EPM2A: variants seen among roughly 807,000 people sequenced by gnomAD.
EPM2A encodes EPM2A glucan phosphatase, laforin.
EPM2A carries 21 observed loss-of-function variants against 26.5 expected under a neutral mutation model. The ratio of observed to expected loss-of-function variants is 0.79; its 90% confidence interval spans 0.56 to 1.14. The LOEUF is 1.14. Ranked by LOEUF, EPM2A falls within the 50% of genes most tolerant of loss-of-function variation. The pLI is 0.00. For synonymous variants in EPM2A, 217 were observed against 177.6 expected, an observed-to-expected ratio of 1.22 and a Z score of -1.76; for missense variants, 458 against 440.8, an observed-to-expected ratio of 1.04 and a Z score of -0.35.
intron 4 of EPM2A, among the ~76,000 whole-genome samples, chr6:145,425,109 T>A (rs890960976): frequency 1.3e-5 from 1 of 78,960 alleles, no homozygotes; most frequent in African/African-American, 3.4e-5. Flanking sequence ...GCTTTGGATG[T>A]AAGTCTCCCT....
intron 4 of EPM2A, among the ~76,000 whole-genome samples, chr6:145,486,623 C>T (rs980505396): frequency 7.9e-5 from 12 of 152,052 alleles, no homozygotes; most frequent in East Asian, 3.9e-4. Flanking sequence ...CCGCTAACCA[C>T]GGTTTTATTG....
chr6:145,671,128 G>A, intron 2 of EPM2A: 1 of 994,112 alleles, frequency 1.0e-6, no homozygotes, highest in South Asian at 4.4e-5. Context: ...ACCAAATTCT[G>A]TGGCTATTCT....
intron 4 of EPM2A, among the ~76,000 whole-genome samples, chr6:145,456,311 C>T (rs1198587851): frequency 6.6e-6 from 1 of 152,126 alleles, no homozygotes; most frequent in Non-Finnish European, 1.5e-5. Flanking sequence ...ACTTGGTACC[C>T]CAGTACTTAG....
At chr6:145,584,053 TG>T (rs748945663) in intron 2 of EPM2A, among the ~76,000 whole-genome samples, 1 of 152,108 alleles carries the variant, frequency 6.6e-6, no homozygotes, top group Non-Finnish European at 1.5e-5. Context: ...CTTTCAGCAG[TG>T]GTACCATGGG....
chr6:145,520,553 A>T (rs1484114926), intron 2 of EPM2A, among the ~76,000 whole-genome samples: 1 of 152,228 alleles, frequency 6.6e-6, no homozygotes, highest in Non-Finnish European at 1.5e-5. Flanking sequence ...GCCTCCTGAA[A>T]TAGAGACACG....
chr6:145,687,975 A>C lies in EPM2A; in HGVS notation c.302-1679T>G, dbSNP rs780346476. Reference sequence around the variant, plus strand: ...ACAGAAATATTACTAAGAAAAAAGAATTTCTGATGCACACAGAGATACATG... The same window carrying C: ...ACAGAAATATTACTAAGAAAAAAGACTTTCTGATGCACACAGAGATACATG... On this transcript the variant is annotated intron_variant, in intron 1 of 3. Coordinates refer to ENST00000367519, the MANE Select transcript of EPM2A (RefSeq NM_005670.4). 9.2e-5 allele frequency among the ~76,000 whole-genome samples: 14 copies of C among 152,330 alleles called. No homozygotes were observed. In the Middle Eastern group the frequency reaches 0.01, roughly 111 times the overall value.
chr6:145,511,918 A>G (rs1045685498), intron 2 of EPM2A, among the ~76,000 whole-genome samples: 1 of 152,250 alleles, frequency 6.6e-6, no homozygotes, highest in African/African-American at 2.4e-5. Context: ...GTAAAGTCTC[A>G]AGATACAAAA....
intron 2 of EPM2A, among the ~76,000 whole-genome samples, chr6:145,531,076 T>A (rs1039775580): frequency 2.6e-4 from 40 of 152,136 alleles, no homozygotes; most frequent in African/African-American, 9.7e-4. Flanking sequence ...GTCAGGATGG[T>A]GGGAAAAATT....
At chr6:145,482,049 T>C (rs1223213634) in intron 4 of EPM2A, among the ~76,000 whole-genome samples, 1 of 152,126 alleles carries the variant, frequency 6.6e-6, no homozygotes, top group Non-Finnish European at 1.5e-5. Flanking sequence ...CTGACAAACA[T>C]GTTTCTTATT....
chr6:145,525,738 T>C (rs910305464), intron 2 of EPM2A, among the ~76,000 whole-genome samples: 1 of 152,044 alleles, frequency 6.6e-6, no homozygotes, highest in East Asian at 1.9e-4. Context: ...ATATTTTCCG[T>C]GAGGAGAAAT....
chr6:145,414,086 C>A (rs1426952587), intron 4 of EPM2A, among the ~76,000 whole-genome samples: 1 of 152,126 alleles, frequency 6.6e-6, no homozygotes, highest in Non-Finnish European at 1.5e-5. Context: ...GATTCCAGTA[C>A]CCTGCACCTG....
At chr6:145,428,975 A>T (rs1438348034) in intron 4 of EPM2A, among the ~76,000 whole-genome samples, 1 of 152,214 alleles carries the variant, frequency 6.6e-6, no homozygotes, top group Non-Finnish European at 1.5e-5. Flanking sequence ...TGCCATTTGT[A>T]TTCAGTACAA....
chr6:145,407,842 T>C (rs12195564), intron 4 of EPM2A, among the ~76,000 whole-genome samples: 18,258 of 152,196 alleles, frequency 0.12, 1,165 homozygotes, highest in South Asian at 0.24. Flanking sequence ...ATACTGTCAG[T>C]TTGACTGAAG....
At chr6:145,574,124 A>T (rs1212904458) in intron 2 of EPM2A, among the ~76,000 whole-genome samples, 1 of 152,106 alleles carries the variant, frequency 6.6e-6, no homozygotes, top group East Asian at 1.9e-4. Context: ...AGGGGTTCTG[A>T]GTCTGTAAAC....
chr6:145,424,200 C>G (rs1458116061), intron 4 of EPM2A, among the ~76,000 whole-genome samples: 1 of 152,150 alleles, frequency 6.6e-6, no homozygotes, highest in Non-Finnish European at 1.5e-5. Flanking sequence ...CTTCAACAAC[C>G]CTGCAGGACA....
At chr6:145,490,402 A>T in intron 4 of EPM2A, 1 of 834,430 alleles carries the variant, frequency 1.2e-6, no homozygotes, top group Non-Finnish European at 2.1e-6. Context: ...GTGACATTTG[A>T]GGGTGCTATT....
At chr6:145,532,440 T>C (rs938011290) in intron 2 of EPM2A, among the ~76,000 whole-genome samples, 2 of 152,184 alleles carry the variant, frequency 1.3e-5, no homozygotes. Context: ...ACTTATTTAC[T>C]CATGTGGTCC....
intron 2 of EPM2A, among the ~76,000 whole-genome samples, chr6:145,574,420 C>G (rs1416201219): frequency 6.6e-6 from 1 of 152,156 alleles, no homozygotes; most frequent in Non-Finnish European, 1.5e-5. Context: ...GCCCCTGCCA[C>G]CTTGCGATCC....
chr6:145,490,635 G>A, intron 4 of EPM2A: 1 of 642,428 alleles, frequency 1.6e-6, no homozygotes, highest in East Asian at 3.7e-5. Flanking sequence ...ACCTTTCATT[G>A]CATATTTCAC....
Sources: allele counts gnomAD v4.1 joint callset (sites outside exome capture counted in the v4.1 genomes callset), GRCh38; gene constraint gnomAD v4.1.1; transcripts MANE v1.5; gene names NCBI Gene and HGNC (gene_info 2026-07-23, HGNC 2026-07-21).